Variants in EHBP1 observed in about 807,000 individuals in gnomAD.
EHBP1 encodes EH domain-binding protein 1.
A neutral mutation model predicts 144.0 loss-of-function variants in EHBP1; 55 were observed. The ratio of observed to expected loss-of-function variants is 0.38; its 90% CI spans 0.31 to 0.48. The LOEUF (loss-of-function observed/expected upper bound fraction) is 0.48, where lower values mean the gene tolerates loss of function less well. Ranked by LOEUF, EHBP1 falls within the 20% of genes least tolerant of loss-of-function variation. The pLI is 0.98. For missense variants in EHBP1, 1,200 were observed against 1,364.2 expected (o/e 0.88, Z 1.90); for synonymous variants, 469 against 472.7 (o/e 0.99, Z 0.10).
intron 10 of EHBP1, among the ~76,000 whole-genome samples, chr2:62,920,779 C>T (rs1327367052): frequency 1.3e-5 from 2 of 152,060 alleles, no homozygotes; most frequent in Non-Finnish European, 2.9e-5. Flanking sequence ...TCTCCTGCCT[C>T]AGCCTTCCGA....
rs549780139 is a variant in EHBP1 at position 62,864,810 on chromosome 2, G to T, written c.837G>T (p.Val279=). The part of the protein sequence containing the change: ...YNNSYNPFKE[V]QTPQYLNPFD... ...ACAGCTATAATCCCTTTAAAGAGGT[G>T]CAGACTCCACAGTATTTGAACCCAT... The change falls in exon 9 of 23, where the codon GTG becomes GTT. Residue 279 remains valine, a synonymous_variant. Coordinates refer to ENST00000431489, the MANE Select transcript of EHBP1 (RefSeq NM_001142616.3). 5.6e-6 allele frequency: 9 copies of T among 1,614,008 alleles called. No homozygotes were observed. In the Admixed American group the frequency reaches 6.7e-5, roughly 12 times the overall value.
intron 12 of EHBP1, among the ~76,000 whole-genome samples, chr2:62,946,591 A>G (rs1205418729): frequency 6.6e-6 from 1 of 152,222 alleles, no homozygotes; most frequent in Non-Finnish European, 1.5e-5. Flanking sequence ...CTTAAATTTC[A>G]TACAGATGCA....
intron 2 of EHBP1, among the ~76,000 whole-genome samples, chr2:62,710,711 T>A (rs1169444575): frequency 2.6e-5 from 4 of 152,136 alleles, no homozygotes; most frequent in Non-Finnish European, 4.4e-5. Flanking sequence ...TGTTTAAGTT[T>A]GTGACATTGA....
intron 7 of EHBP1, 54 bp downstream of exon 7, chr2:62,831,212 A>G (rs1443251755): frequency 3.3e-6 from 5 of 1,510,760 alleles, no homozygotes; most frequent in African/African-American, 2.9e-5. Flanking sequence ...AGAGTTCAAA[A>G]ACTCATTCTC....
chr2:63,024,220 T>C (rs1216889691), intron 19 of EHBP1, among the ~76,000 whole-genome samples: 1 of 152,214 alleles, frequency 6.6e-6, no homozygotes, highest in African/African-American at 2.4e-5. Flanking sequence ...GGCAGGTGCC[T>C]GTAATCCCAG....
At chr2:62,782,332 T>C (rs1033564422) in intron 5 of EHBP1, among the ~76,000 whole-genome samples, 1 of 152,220 alleles carries the variant, frequency 6.6e-6, no homozygotes, top group Admixed American at 6.5e-5. Flanking sequence ...ACTGAAATTA[T>C]CAACAATGTT....
chr2:62,978,319 G>A (rs772948537), intron 14 of EHBP1, among the ~76,000 whole-genome samples: 2 of 151,406 alleles, frequency 1.3e-5, no homozygotes, highest in Admixed American at 6.6e-5. Context: ...TCCTGCCTCA[G>A]CTTCCCGAGT....
At chr2:62,791,306 T>A (rs1030265157) in intron 5 of EHBP1, among the ~76,000 whole-genome samples, 14 of 152,070 alleles carry the variant, frequency 9.2e-5, no homozygotes, top group African/African-American at 3.4e-4. Context: ...GAAAGGTTTT[T>A]AAGATAAACA....
chr2:62,794,249 G>C (rs188809108), intron 5 of EHBP1, among the ~76,000 whole-genome samples: 1 of 151,964 alleles, frequency 6.6e-6, no homozygotes, highest in Non-Finnish European at 1.5e-5. Flanking sequence ...GTCACAATAT[G>C]GTTAAATTAT....
At chr2:62,681,354 A>ATATATATATATATATATATATATATG (rs2033515906) in intron 1 of EHBP1, among the ~76,000 whole-genome samples, 9 of 122,992 alleles carry the variant, frequency 7.3e-5, no homozygotes, top group African/African-American at 2.5e-4. Flanking sequence ...ATATATATAT[A>ATATATATATATATATATATATATATG]TATATAATGT....
chr2:62,994,117 G>A, intron 18 of EHBP1, 140 bp downstream of exon 18: 1 of 519,934 alleles, frequency 1.9e-6, no homozygotes, highest in Non-Finnish European at 3.4e-6. Context: ...AGTGAGAGGG[G>A]TGCACTGTTG....
intron 2 of EHBP1, among the ~76,000 whole-genome samples, chr2:62,733,106 T>C (rs140104993): frequency 4.3e-4 from 66 of 152,354 alleles, no homozygotes; most frequent in African/African-American, 1.5e-3. Context: ...TTATGATGCT[T>C]GTTCTGTCTC....
intron 2 of EHBP1, among the ~76,000 whole-genome samples, chr2:62,733,506 GT>G (rs1403341620): frequency 6.6e-6 from 1 of 152,226 alleles, no homozygotes; most frequent in East Asian, 1.9e-4. Context: ...TAGTGATTGT[GT>G]TTTTTGGCTT....
intron 14 of EHBP1, among the ~76,000 whole-genome samples, chr2:62,970,278 T>G (rs2058436441): frequency 6.6e-6 from 1 of 152,094 alleles, no homozygotes. Context: ...TAAAAAAATT[T>G]AGATAGGTTA....
At chr2:62,729,319 T>TTATAATATAATATAATATATATAATATA (rs1558561942) in intron 2 of EHBP1, among the ~76,000 whole-genome samples, 2 of 128,642 alleles carry the variant, frequency 1.6e-5, no homozygotes, top group African/African-American at 5.8e-5. Context: ...AATATAATAT[T>TTATAATATAATATAATATATATAATATA]TATAATATAA....
At chr2:62,934,463 A>G (rs967084016) in intron 10 of EHBP1, among the ~76,000 whole-genome samples, 1 of 152,228 alleles carries the variant, frequency 6.6e-6, no homozygotes, top group African/African-American at 2.4e-5. Context: ...AATTCTAGCT[A>G]CAAACCCTTT....
At chr2:62,894,488 C>T (rs192456017) in intron 10 of EHBP1, among the ~76,000 whole-genome samples, 102 of 152,034 alleles carry the variant, frequency 6.7e-4, no homozygotes, top group Non-Finnish European at 9.7e-4. Context: ...TTGGAGTTCA[C>T]TACATGAGCA....
At position 62,851,602 on chromosome 2, in the gene EHBP1, C is replaced by T. The variant is rs531920599; in HGVS notation, c.635-7567C>T. The stretch of plus-strand genomic sequence containing the variant: ...CCACTAAAATATAAAGCCATGAGAG[C>T]AGGTACTAGCACAGGCATGTAATAG... On this transcript the variant is annotated intron_variant, in intron 7 of 22. Transcript: ENST00000431489. Among the ~76,000 whole-genome samples the T allele has an allele frequency of 9.9e-5, 15 of 152,246 alleles. No individual in the cohort carries two copies. The South Asian group carries it at 2.3e-3, about 23-fold the overall frequency.
intron 1 of EHBP1, among the ~76,000 whole-genome samples, chr2:62,696,674 C>A (rs887267051): frequency 2.0e-5 from 3 of 151,354 alleles, no homozygotes; most frequent in Non-Finnish European, 4.4e-5. Context: ...CCACCAGGCC[C>A]GGCTAATTTT....
Sources: allele counts gnomAD v4.1 joint callset (sites outside exome capture counted in the v4.1 genomes callset), GRCh38; gene constraint gnomAD v4.1.1; transcripts MANE v1.5; gene names NCBI Gene and HGNC (gene_info 2026-07-23, HGNC 2026-07-21).